VPS13B: variants seen among roughly 807,000 people sequenced by gnomAD.
The protein encoded by VPS13B is intermembrane lipid transfer protein VPS13B.
In VPS13B, 285 loss-of-function variants were observed where a neutral mutation model predicts 426.4. The ratio of observed to expected loss-of-function variants is 0.67; its 90% CI spans 0.61 to 0.74. VPS13B has a LOEUF of 0.74. VPS13B is among the 30% of genes least tolerant of loss of function. VPS13B has a pLI of 0.00. For missense variants in VPS13B, 4,537 were observed against 4,782.6 expected, an observed-to-expected ratio of 0.95 and a Z score of 1.51; for synonymous variants, 1,676 against 1,676.4, an observed-to-expected ratio of 1.00 and a Z score of 0.01.
At chr8:99,792,203 A>AATCCAGATTCTCTT (rs1290272337) in intron 43 of VPS13B, among the ~76,000 whole-genome samples, 1 of 152,182 alleles carries the variant, frequency 6.6e-6, no homozygotes, top group African/African-American at 2.4e-5. Flanking sequence ...GTCATAAGAG[A>AATCCAGATTCTCTT]ATCCAGATTC....
At chr8:99,360,240 CTCCTTCCTTCCT>C (rs763728692) in intron 19 of VPS13B, among the ~76,000 whole-genome samples, 837 of 76,834 alleles carry the variant, frequency 0.011, 30 homozygotes, top group Non-Finnish European at 0.016. Flanking sequence ...CTTTCTCTCT[CTCCTTCCTTCCT>C]TCCTTCCTTC....
chr8:99,148,973 G>T (rs975374929), intron 14 of VPS13B, among the ~76,000 whole-genome samples: 7 of 152,226 alleles, frequency 4.6e-5, no homozygotes, highest in African/African-American at 1.4e-4. Context: ...ATGGGAAGGT[G>T]AATGAGAAAT....
intron 29 of VPS13B, among the ~76,000 whole-genome samples, chr8:99,515,412 C>G (rs748876818): frequency 7.3e-5 from 11 of 151,492 alleles, no homozygotes; most frequent in Non-Finnish European, 1.2e-4. Flanking sequence ...CCTCCTCCTC[C>G]TCCTCCTCCT....
intron 21 of VPS13B, among the ~76,000 whole-genome samples, chr8:99,404,709 C>A (rs1325317169): frequency 6.6e-6 from 1 of 151,948 alleles, no homozygotes; most frequent in Non-Finnish European, 1.5e-5. Flanking sequence ...AAATATAAAT[C>A]AAGAATTAGG....
intron 35 of VPS13B, chr8:99,696,568 C>A (rs1276732557): frequency 3.8e-6 from 2 of 529,820 alleles, no homozygotes; most frequent in Non-Finnish European, 7.1e-6. Context: ...CCCAGCATGC[C>A]AGCATCCACG....
In VPS13B at chr8:99,870,160, TTAAC is replaced by T. The variant is rs542540334; in HGVS notation, c.11393-620_11393-617del. Among the ~76,000 whole-genome samples the T allele has an allele frequency of 1.1e-3, 173 of 152,284 alleles. 1 individual carries two copies. Among genetic ancestry groups the T allele is most frequent in the African/African-American group, 3.9e-3 (162 of 41,532 alleles). ...CACAGATACAGAAGTATTAAGGAAG[TTAAC>T]TAACAATCTAGACTTTTTTTTTTAG... On this transcript the variant is annotated intron_variant, in intron 59 of 61. Transcript: ENST00000357162.
chr8:99,029,400 C>G (rs1339326811), intron 2 of VPS13B, among the ~76,000 whole-genome samples: 1 of 152,024 alleles, frequency 6.6e-6, no homozygotes, highest in Non-Finnish European at 1.5e-5. Flanking sequence ...GCTGCAATCT[C>G]GGCTCTTTGG....
At position 99,778,832 on chromosome 8, in the gene VPS13B, C is replaced by A; in HGVS notation, c.7580C>A (p.Ala2527Glu). The change falls in exon 42 of 62, where the codon GCA becomes GAA. Residue 2527 changes from alanine (A) to glutamate (E), a missense_variant. Physicochemically the swap from Ala to Glu is moderately radical, Grantham distance 107 (BLOSUM62 -1). This residue lies in a region of VPS13B where 4,311 missense variants were observed against 4,474.3 expected (regional missense o/e 0.96). Coordinates refer to ENST00000357162, the MANE Select transcript of VPS13B (RefSeq NM_152564.5). ...VCQEIQFLAQADCKLLECRNV... is the reference protein window; with the variant it reads ...VCQEIQFLAQEDCKLLECRNV... ...CAGGAGATCCAGTTCTTAGCTCAAG[C>A]AGACTGTAAACTTCTAGAGTGCAGA... 1.2e-6 allele frequency: 2 copies of A among 1,614,016 alleles called. No homozygotes were observed. Among genetic ancestry groups the A allele is most frequent in the Non-Finnish European group, 1.7e-6 (2 of 1,179,938 alleles).
At chr8:99,385,696 A>G (rs1814079719) in intron 20 of VPS13B, among the ~76,000 whole-genome samples, 1 of 152,230 alleles carries the variant, frequency 6.6e-6, no homozygotes, top group Admixed American at 6.5e-5. Flanking sequence ...ATGTAGATGT[A>G]TGTCCAGGAT....
intron 39 of VPS13B, among the ~76,000 whole-genome samples, chr8:99,750,343 C>G (rs1810330566): frequency 1.3e-5 from 2 of 152,120 alleles, no homozygotes; most frequent in Non-Finnish European, 2.9e-5. Flanking sequence ...AGTTGCCCCA[C>G]TTTGGGACAC....
At chr8:99,814,780 G>A (rs1014461306) in intron 44 of VPS13B, among the ~76,000 whole-genome samples, 1 of 152,144 alleles carries the variant, frequency 6.6e-6, no homozygotes, top group Non-Finnish European at 1.5e-5. Context: ...AACAATAAGA[G>A]GAAAGGAGAG....
At position 99,720,990 on chromosome 8, in the gene VPS13B, T is replaced by G; in HGVS notation, c.6993T>G (p.Pro2331=). 1 of 1,614,030 alleles carries G rather than the reference T, an allele frequency of 6.2e-7. No individual in the cohort carries two copies. The highest frequency in any genetic ancestry group is 8.5e-7 in the Non-Finnish European group (1 of 1,179,928). The change falls in exon 39 of 62, where the codon CCT becomes CCG. Residue 2331 remains proline, a synonymous_variant. Coordinates refer to ENST00000357162, the MANE Select transcript of VPS13B (RefSeq NM_152564.5). ...VLTLVRITPV[P]FNTTEDPDIS... is the part of the protein sequence containing the mutation. ...CCCTTGTACGAATAACTCCTGTACC[T>G]TTTAACACCACAGAGGATCCAGATA...
At chr8:99,543,532 A>G (rs1823758911) in intron 30 of VPS13B, among the ~76,000 whole-genome samples, 1 of 152,114 alleles carries the variant, frequency 6.6e-6, no homozygotes, top group South Asian at 2.1e-4. Context: ...GGCAACCTAC[A>G]AAATGGGAGA....
In VPS13B at chr8:99,871,571, GAGTGTCAGTGAGGACA is replaced by G. The variant is rs1817417107; in HGVS notation, c.11620_11635del (p.Ser3874HisfsTer38). 5 of 1,614,194 alleles carry G rather than the reference GAGTGTCAGTGAGGACA, an allele frequency of 3.1e-6. No homozygotes were observed. Among genetic ancestry groups the G allele is most frequent in the Non-Finnish European group, 4.2e-6 (5 of 1,180,036 alleles). ...TGACATCAGAAGTGCTCTTCGTGGT[GAGTGTCAGTGAGGACA>G]CACAGCAGCAGGCCTTCCCCGTCAC... On this transcript the variant is annotated frameshift_variant, in exon 61 of 62. Transcript: ENST00000357162. LOFTEE classifies it high-confidence loss of function.
At chr8:99,736,659 G>C (rs970192341) in intron 39 of VPS13B, among the ~76,000 whole-genome samples, 12 of 152,088 alleles carry the variant, frequency 7.9e-5, no homozygotes, top group East Asian at 1.9e-4. Flanking sequence ...GAGAGTTTGA[G>C]CTATATTCAT....
rs1360069211 is a variant in VPS13B, at chr8:99,502,350, G to A, written c.4043-486G>A. ...CGCTATTTTGGAAGAAATATTAAAT[G>A]TAATTTATTATTGTCATTTATAATT... On this transcript the variant is annotated intron_variant, in intron 26 of 61. Transcript: ENST00000357162. Among the ~76,000 whole-genome samples, 6 of 152,260 alleles carry A rather than the reference G, an allele frequency of 3.9e-5. No homozygotes were observed. In the South Asian group the frequency reaches 1.2e-3, roughly 32 times the overall value.
intron 5 of VPS13B, among the ~76,000 whole-genome samples, chr8:99,110,028 CATT>C (rs1173563561): frequency 1.3e-5 from 2 of 151,850 alleles, no homozygotes; most frequent in Non-Finnish European, 2.9e-5. Context: ...GTAACTAAAT[CATT>C]ATTCATATAA....
chr8:99,162,802 A>C (rs1315284746), intron 15 of VPS13B, among the ~76,000 whole-genome samples: 3 of 152,168 alleles, frequency 2.0e-5, no homozygotes, highest in African/African-American at 7.2e-5. Context: ...AAGCTTCCAC[A>C]GTGTGGAAGG....
At chr8:99,633,839 G>GTGTGTGTGTGTGTA (rs61137286) in intron 33 of VPS13B, among the ~76,000 whole-genome samples, 1 of 151,056 alleles carries the variant, frequency 6.6e-6, no homozygotes, top group Non-Finnish European at 1.5e-5. Flanking sequence ...GTGTGTGTGT[G>GTGTGTGTGTGTGTA]CGTGTTTTAA....
Sources: allele counts gnomAD v4.1 joint callset (sites outside exome capture counted in the v4.1 genomes callset), GRCh38; gene constraint gnomAD v4.1.1; regional missense constraint gnomAD v4.1.1; transcripts MANE v1.5; gene names NCBI Gene and HGNC (gene_info 2026-07-23, HGNC 2026-07-21).